The following BRCC3 variants were observed in gnomAD, a reference collection of about 807,000 sequenced individuals.
BRCC3 encodes the protein lys-63-specific deubiquitinase BRCC36.
Under a neutral mutation model 28.0 loss-of-function variants are expected in BRCC3, and 15 were observed. That is an observed-to-expected ratio of 0.54 (90% CI 0.36 to 0.82). The LOEUF (loss-of-function observed/expected upper bound fraction) is 0.82, where lower values mean the gene tolerates loss of function less well. Among genes scored for constraint, BRCC3 ranks in the 40% least tolerant of loss-of-function variants. The pLI is 0.01. For synonymous variants in BRCC3, 66 were observed against 80.3 expected (o/e 0.82, Z 0.95); for missense variants, 109 against 225.9 (o/e 0.48, Z 3.32).
At chrX:155,117,302 T>C (rs781961332) in intron 9 of BRCC3, among the ~76,000 whole-genome samples, 1 of 112,006 alleles carries the variant, frequency 8.9e-6, no homozygotes, top group African/African-American at 3.2e-5. Flanking sequence ...TCTTTTGATG[T>C]CAATAAATAT....
intron 7 of BRCC3, among the ~76,000 whole-genome samples, chrX:155,091,816 G>A (rs1265981125): frequency 2.7e-5 from 3 of 109,375 alleles, no homozygotes; most frequent in Non-Finnish European, 5.7e-5. Flanking sequence ...AAGCAAGGAA[G>A]CTTGGTAGTA....
intron 7 of BRCC3, among the ~76,000 whole-genome samples, chrX:155,111,219 A>G (rs1044742177): frequency 3.6e-5 from 4 of 112,114 alleles, no homozygotes; most frequent in Non-Finnish European, 5.7e-5. Context: ...CAACTGAAAA[A>G]TATAACAACC....
intron 7 of BRCC3, among the ~76,000 whole-genome samples, chrX:155,111,677 T>A (rs2074322918): frequency 8.9e-6 from 1 of 111,877 alleles, no homozygotes; most frequent in Non-Finnish European, 1.9e-5. Context: ...TAGGGGTACA[T>A]CTTCATGACC....
Position 155,120,039 on chromosome X carries a change from C to T in BRCC3, c.765C>T (p.Ser255=), listed in dbSNP as rs782568396. The change falls in exon 10 of 11, where the codon AGC becomes AGT. Residue 255 remains serine, a synonymous_variant. Coordinates refer to ENST00000330045, the MANE Select transcript of BRCC3 (RefSeq NM_001018055.3). ...KNLCSQMSAV[S]GPLLQWLEDR... is the part of the protein sequence containing the mutation. ...TGTGCAGTCAGATGTCGGCAGTCAGCGGGCCTCTCCTACAGTGGTTGGAGG... is the reference window on the plus strand; with the variant it reads ...TGTGCAGTCAGATGTCGGCAGTCAGTGGGCCTCTCCTACAGTGGTTGGAGG... The T allele has an allele frequency of 1.6e-5, 19 of 1,206,787 alleles. No individual in the cohort carries two copies. Among genetic ancestry groups the T allele is most frequent in the Non-Finnish European group, 2.0e-5 (18 of 892,431 alleles).
chrX:155,109,235 A>G (rs1350530936), intron 7 of BRCC3, among the ~76,000 whole-genome samples: 4 of 111,815 alleles, frequency 3.6e-5, no homozygotes, highest in African/African-American at 1.3e-4. Context: ...TCTTGATGAT[A>G]TGCGGTAACA....
At chrX:155,073,347 C>CTT (rs376767171) in intron 2 of BRCC3, 30 bp from the exon 3 acceptor site, 25 of 879,812 alleles carry the variant, frequency 2.8e-5, no homozygotes, top group East Asian at 1.3e-4. Flanking sequence ...ACCCCACTTC[C>CTT]TTTTTTTTTT....
chrX:155,096,606 T>C (rs1450796315), intron 7 of BRCC3, among the ~76,000 whole-genome samples: 1 of 111,996 alleles, frequency 8.9e-6, no homozygotes, highest in African/African-American at 3.2e-5. Context: ...ACAGATCCAG[T>C]GTAATCCCTA....
In BRCC3 at chrX:155,097,463, T is replaced by C. The variant is rs781832301; in HGVS notation, c.548+6624T>C. ...AAACCATAATGAGTTAGGATGGCTA[T>C]TATCAAAAAGTCAAAGATAGAAAAC... On this transcript the variant is annotated intron_variant, in intron 7 of 10. Transcript: ENST00000330045. Among the ~76,000 whole-genome samples, 3 of 111,588 alleles carry C rather than the reference T, an allele frequency of 2.7e-5. No individual in the cohort carries two copies. The East Asian group carries it at 8.4e-4, about 31-fold the overall frequency.
chrX:155,083,084 T>A (rs1386618193), intron 5 of BRCC3, among the ~76,000 whole-genome samples: 1 of 112,372 alleles, frequency 8.9e-6, no homozygotes, highest in Non-Finnish European at 1.9e-5. Flanking sequence ...AACTAACATT[T>A]TCATGCCACT....
intron 7 of BRCC3, among the ~76,000 whole-genome samples, chrX:155,096,368 A>G (rs781824736): frequency 8.0e-5 from 9 of 112,485 alleles, no homozygotes; most frequent in Non-Finnish European, 1.5e-4. Flanking sequence ...TGAAGGTACT[A>G]AATGCCGCTG....
At chrX:155,081,058 T>C (rs1163194109) in intron 5 of BRCC3, among the ~76,000 whole-genome samples, 1 of 111,825 alleles carries the variant, frequency 8.9e-6, no homozygotes, top group Middle Eastern at 4.3e-3. Context: ...AGGCCGGGCA[T>C]AGTGGCTCAC....
At chrX:155,106,062 CT>C (rs1327757999) in intron 7 of BRCC3, among the ~76,000 whole-genome samples, 4 of 111,986 alleles carry the variant, frequency 3.6e-5, no homozygotes, top group Non-Finnish European at 7.5e-5. Context: ...CAGATAAAAA[CT>C]TTTTGATATT....
chrX:155,102,012 GAAT>G (rs1399915356), intron 7 of BRCC3, among the ~76,000 whole-genome samples: 1 of 112,336 alleles, frequency 8.9e-6, no homozygotes, highest in Non-Finnish European at 1.9e-5. Flanking sequence ...TTTTATTACA[GAAT>G]AATATTAAAT....
chrX:155,078,793 C>A, intron 5 of BRCC3, 90 bp downstream of exon 5: 2 of 540,356 alleles, frequency 3.7e-6, no homozygotes, highest in Non-Finnish European at 5.9e-6. Flanking sequence ...TATTTTAAAC[C>A]AAAATTTGAC....
chrX:155,104,979 G>A (rs2074269412), intron 7 of BRCC3, among the ~76,000 whole-genome samples: 1 of 112,117 alleles, frequency 8.9e-6, no homozygotes, highest in South Asian at 3.7e-4. Flanking sequence ...TGATTTATTT[G>A]AAAGACAGCT....
At chrX:155,116,811 C>A in intron 9 of BRCC3, 57 bp downstream of exon 9, 1 of 896,338 alleles carries the variant, frequency 1.1e-6, no homozygotes, top group Non-Finnish European at 1.6e-6. Flanking sequence ...CTGAAACACT[C>A]AGCTGACAGA....
At chrX:155,099,819 G>A (rs1385370588) in intron 7 of BRCC3, among the ~76,000 whole-genome samples, 2 of 111,605 alleles carry the variant, frequency 1.8e-5, no homozygotes, top group African/African-American at 3.3e-5. Flanking sequence ...TCTCTTAATA[G>A]GTGAATGTCA....
intron 9 of BRCC3, among the ~76,000 whole-genome samples, chrX:155,119,603 G>A (rs1602817080): frequency 1.8e-5 from 2 of 112,289 alleles, no homozygotes; most frequent in African/African-American, 6.5e-5. Flanking sequence ...CTCTGGAAAC[G>A]TAAGTTGCAG....
intron 7 of BRCC3, among the ~76,000 whole-genome samples, chrX:155,095,326 GT>G (rs1484221988): frequency 9.0e-6 from 1 of 111,638 alleles, no homozygotes; most frequent in Non-Finnish European, 1.9e-5. Flanking sequence ...TTGTGATGGA[GT>G]TTTGTTCTTG....
Sources: gnomAD v4.1 joint callset for allele counts (sites outside exome capture counted in the v4.1 genomes callset) on GRCh38, gnomAD v4.1.1 for gene constraint, MANE v1.5 for transcripts, NCBI Gene and HGNC (gene_info 2026-07-23, HGNC 2026-07-21) for gene names.